The following STAT6 variants were observed in gnomAD, a reference collection of about 807,000 sequenced individuals.
STAT6 encodes STAT, interleukin4-induced.
Under a neutral mutation model 106.3 loss-of-function variants are expected in STAT6, and 45 were observed. The ratio of observed to expected loss-of-function variants is 0.42; its 90% CI spans 0.33 to 0.54. STAT6 has a LOEUF of 0.54. STAT6 is among the 20% of genes least tolerant of loss of function. The pLI, the probability that STAT6 is intolerant of heterozygous loss-of-function variation, is 0.06. For missense variants in STAT6, 797 were observed against 1,062.2 expected (o/e 0.75, Z 3.47); for synonymous variants, 413 against 413.6 (o/e 1.00, Z 0.02).
At position 57,108,237 on chromosome 12, in the gene STAT6, T is replaced by G; in HGVS notation, c.42A>C (p.Lys14Asn). The change falls in exon 2 of 22, where the codon AAA becomes AAC. Residue 14 changes from lysine to asparagine, a missense_variant. By Grantham distance (94) the Lys-to-Asn change is moderately conservative. Coordinates refer to ENST00000300134, the MANE Select transcript of STAT6 (RefSeq NM_003153.5). ...WGLVSKMPPE[K>N]VQRLYVDFPQ... is the part of the protein sequence containing the mutation. ...GAAAGTCGACATAGAGCCGCTGCAC[T>G]TTTTCTGGGGGCATCTTGGAGACCA... 6.2e-7 allele frequency: 1 copy of G among 1,612,862 alleles called. No homozygotes were observed. Among genetic ancestry groups the G allele is most frequent in the South Asian group, 1.1e-5 (1 of 90,776 alleles).
intron 1 of STAT6, among the ~76,000 whole-genome samples, chr12:57,109,155 T>TCGAG (rs1374378038): frequency 6.6e-6 from 1 of 151,976 alleles, no homozygotes; most frequent in Admixed American, 6.6e-5. Flanking sequence ...TGAGCAGAGA[T>TCGAG]CGAGCCACTG....
In STAT6 at chr12:57,102,596, C is replaced by T; in HGVS notation, c.1306-100G>A. 3 of 1,264,664 alleles carry T rather than the reference C, an allele frequency of 2.4e-6. No individual in the cohort carries two copies. The South Asian group carries it at 4.1e-5, about 17-fold the overall frequency. The allele number at this position is 1,264,664 out of a possible 1,614,324, so 78.3% of individuals were successfully genotyped here. The stretch of plus-strand genomic sequence containing the variant: ...CACCTGCCTGTGGCCTACCCCTCCA[C>T]AGCCCCTGATATCGCTCACAAACAT... On this transcript the variant is annotated intron_variant, in intron 12 of 21. Transcript: ENST00000300134.
intron 9 of STAT6, 123 bp downstream of exon 9, chr12:57,105,028 T>C: frequency 7.6e-7 from 1 of 1,316,856 alleles, no homozygotes; most frequent in Admixed American, 2.2e-5. Flanking sequence ...GCCTTGACCA[T>C]TCAGGGTCTC....
chr12:57,102,276 G>C lies in STAT6; in HGVS notation c.1512+14C>G. 6.2e-7 allele frequency: 1 copy of C among 1,613,824 alleles called. No individual in the cohort carries two copies. The highest frequency in any genetic ancestry group is 8.5e-7 in the Non-Finnish European group (1 of 1,179,958). On this transcript the variant is annotated intron_variant, in intron 13 of 21. Transcript: ENST00000300134. ...GAGCTTGGGGGTGGGAGGTCCAAAG[G>C]GCAGGAGAATGACCTTGTTGAACTG...
chr12:57,104,584 A>C lies in STAT6; in HGVS notation c.1092T>G (p.Leu364=), dbSNP rs1357903354. ...NCCSALFKNL[L]LKKIKRCERK... is the part of the protein sequence containing the mutation. Reference sequence around the variant, plus strand: ...GCTCACACCGCTTGATCTTCTTGAGAAGCTGTGGGTGGGGTGAGGGAGAGC... The same window carrying C: ...GCTCACACCGCTTGATCTTCTTGAGCAGCTGTGGGTGGGGTGAGGGAGAGC... The change falls in exon 11 of 22, where the codon CTT becomes CTG. Residue 364 remains leucine (L), a splice_region_variant and synonymous_variant. Transcript: ENST00000300134. 2 of 1,613,912 alleles carry C rather than the reference A, an allele frequency of 1.2e-6. No individual in the cohort carries two copies. The highest frequency in any genetic ancestry group is 1.3e-5 in the African/African-American group (1 of 74,922).
At chr12:57,101,616 G>T (rs1053505336) in intron 13 of STAT6, among the ~76,000 whole-genome samples, 2 of 147,784 alleles carry the variant, frequency 1.4e-5, no homozygotes, top group African/African-American at 5.0e-5. Context: ...TATCCGTCTC[G>T]GCCTCCCAAA....
chr12:57,106,711 C>T lies in STAT6; in HGVS notation c.460G>A (p.Gly154Arg). 3.1e-6 allele frequency: 5 copies of T among 1,614,190 alleles called. No individual in the cohort carries two copies. In the African/African-American group the frequency reaches 6.7e-5, roughly 22 times the overall value. The change falls in exon 5 of 22, where the codon GGG (glycine) becomes AGG (arginine). Residue 154 changes from glycine (G) to arginine (R), a missense_variant. Physicochemically the swap from Gly to Arg is moderately radical, Grantham distance 125 (BLOSUM62 -2). Transcript: ENST00000300134. ...IHLLREALQK[G>R]AEAGQVSLHS... ...CCCCCACCTTGGCCAGCCTCAGCCCCCTTCTGCAGGGCTTCTCGGAGAAGG... is the reference window on the plus strand; with the variant it reads ...CCCCCACCTTGGCCAGCCTCAGCCCTCTTCTGCAGGGCTTCTCGGAGAAGG...
intron 4 of STAT6, 116 bp from the exon 5 acceptor site, chr12:57,106,947 T>A: frequency 1.3e-6 from 2 of 1,494,734 alleles, no homozygotes; most frequent in Non-Finnish European, 1.8e-6. Flanking sequence ...CCTTTGGCAG[T>A]TCTTCCTGAC....
rs199638810 is a variant in STAT6, at chr12:57,096,715, C to T, written c.2401G>A (p.Asp801Asn). Residue 801 changes from aspartate (D) to asparagine (N), a missense_variant, in exon 22 of 22, where the codon GAC (aspartate) becomes AAC (asparagine). Physicochemically the swap from Asp to Asn is conservative, Grantham distance 23. Around this residue, in one of 4 missense-constraint regions of STAT6, gnomAD observed 226 missense variants for 236.7 expected, o/e 0.95. Coordinates refer to ENST00000300134, the MANE Select transcript of STAT6 (RefSeq NM_003153.5). ...FPPLLPPTEQ[D>N]LTKLLLEGQG... ...CCCTCCAGGAGAAGCTTAGTGAGGTCCTGTTCAGTGGGAGGCAGCAGAGGA... is the reference window on the plus strand; with the variant it reads ...CCCTCCAGGAGAAGCTTAGTGAGGTTCTGTTCAGTGGGAGGCAGCAGAGGA... 16 of 1,612,448 alleles carry T rather than the reference C, an allele frequency of 9.9e-6. No individual in the cohort carries two copies. In the Admixed American group the frequency reaches 2.4e-4, roughly 24 times the overall value.
chr12:57,098,872 C>G lies in STAT6; in HGVS notation c.1986G>C (p.Gln662His), dbSNP rs1156359361. The part of the protein sequence containing the change: ...RDQPLPTPEL[Q>H]MPTMVPSYDL... Reference sequence around the variant, plus strand: ...CATAAGAAGGCACCATGGTAGGCATCTGGAGCTCTGGGGTAGGAAGTGGTT... The same window carrying G: ...CATAAGAAGGCACCATGGTAGGCATGTGGAGCTCTGGGGTAGGAAGTGGTT... Residue 662 changes from glutamine to histidine, a missense_variant, in exon 18 of 22, where the codon CAG becomes CAC. By Grantham distance (24) the Gln-to-His change is conservative. This residue lies in a region of STAT6 where 226 missense variants were observed against 236.7 expected (regional missense o/e 0.95). Transcript: ENST00000300134. 3 of 1,613,496 alleles carry G rather than the reference C, an allele frequency of 1.9e-6. No individual in the cohort carries two copies. Among genetic ancestry groups the G allele is most frequent in the Non-Finnish European group, 2.5e-6 (3 of 1,179,840 alleles).
chr12:57,100,662 AAG>A (rs1294220785), intron 13 of STAT6, among the ~76,000 whole-genome samples: 2 of 56,000 alleles, frequency 3.6e-5, no homozygotes, highest in East Asian at 3.3e-4. Context: ...GAAAGAAAGA[AAG>A]AAAGAAAGAA....
chr12:57,108,409 A>G (rs1439854965), intron 1 of STAT6, 110 bp from the exon 2 acceptor site: 16 of 640,002 alleles, frequency 2.5e-5, no homozygotes, highest in Non-Finnish European at 3.4e-5. Flanking sequence ...CGTCCCCACC[A>G]CCACTCATGG....
intron 2 of STAT6, 68 bp downstream of exon 2, chr12:57,108,095 A>T: frequency 9.4e-7 from 1 of 1,060,112 alleles, no homozygotes; most frequent in Admixed American, 2.0e-5. Flanking sequence ...GAGGGGAGAA[A>T]AATCTAAGGA....
At position 57,099,557 on chromosome 12, in the gene STAT6, G is replaced by A; in HGVS notation, c.1745-117C>T. The A allele has an allele frequency of 6.9e-7, 1 of 1,450,584 alleles. No homozygotes were observed. The highest frequency in any genetic ancestry group is 9.4e-7 in the Non-Finnish European group (1 of 1,061,400). 89.9% of individuals were successfully genotyped at this position (1,450,584 alleles called of 1,614,324 possible). A position where few individuals can be genotyped will look rare whatever the true frequency, so the allele number is the denominator to read the frequency against. ...GGCAAGGGAGAGAGGACCTAGGGTG[G>A]GGCTCCTGAGGGAGAGAGACCCACT... On this transcript the variant is annotated intron_variant, in intron 15 of 21. Coordinates refer to ENST00000300134, the MANE Select transcript of STAT6 (RefSeq NM_003153.5). The surrounding 1 kb of genome is among the most constrained non-coding windows in gnomAD (Gnocchi z 4.7).
At chr12:57,101,330 G>A (rs909209683) in intron 13 of STAT6, among the ~76,000 whole-genome samples, 141 of 149,232 alleles carry the variant, frequency 9.4e-4, no homozygotes, top group African/African-American at 3.4e-3. Context: ...CTTGTGATCC[G>A]CCCGCCTCAG....
At chr12:57,105,692 A>G in intron 7 of STAT6, 93 bp from the exon 8 acceptor site, 1 of 1,490,562 alleles carries the variant, frequency 6.7e-7, no homozygotes, top group Non-Finnish European at 8.9e-7. Flanking sequence ...AAAGGCTATC[A>G]TGTGTGGAGA....
rs139828000 is a variant in STAT6 at position 57,099,071 on chromosome 12, C to A, written c.1899G>T (p.Gln633His). Residue 633 changes from glutamine to histidine, a missense_variant, in exon 17 of 22, where the codon CAG (glutamine) becomes CAT (histidine). Physicochemically the swap from Gln to His is conservative, Grantham distance 24 (BLOSUM62 0). This residue lies in a region of STAT6 where 222 missense variants were observed against 354.6 expected (regional missense o/e 0.63). Transcript: ENST00000300134. This position sits in a 1 kb window ranked among gnomAD's most constrained non-coding sequence, Gnocchi z 4.7. Reference protein sequence around the residue: ...EAFRSHYKPEQMGKDGRGYVP... With the variant: ...EAFRSHYKPEHMGKDGRGYVP... ...CATAACCCCTGCCATCCTTACCCAT[C>A]TGTTCAGCTGTTGTGAGAAGGAAAA... The A allele has an allele frequency of 2.2e-4, 359 of 1,614,156 alleles. No individual in the cohort carries two copies. The highest frequency in any genetic ancestry group is 1.7e-4 in the Non-Finnish European group (202 of 1,180,046).
At position 57,102,280 on chromosome 12, in the gene STAT6, G is replaced by T; in HGVS notation, c.1512+10C>A. 2 of 1,613,984 alleles carry T rather than the reference G, an allele frequency of 1.2e-6. No individual in the cohort carries two copies. Among genetic ancestry groups the T allele is most frequent in the South Asian group, 2.2e-5 (2 of 91,074 alleles). On this transcript the variant is annotated intron_variant, in intron 13 of 21. Transcript: ENST00000300134. ...TTGGGGGTGGGAGGTCCAAAGGGCAGGAGAATGACCTTGTTGAACTGCGAC... is the reference window on the plus strand; with the variant it reads ...TTGGGGGTGGGAGGTCCAAAGGGCATGAGAATGACCTTGTTGAACTGCGAC...
rs1350909727 is a variant in STAT6, at chr12:57,098,866, A to G, written c.1992T>C (p.Pro664=). 5 of 1,613,398 alleles carry G rather than the reference A, an allele frequency of 3.1e-6. No individual in the cohort carries two copies. The African/African-American group carries it at 5.3e-5, about 17-fold the overall frequency. ...QPLPTPELQM[P]TMVPSYDLGM... The stretch of plus-strand genomic sequence containing the variant: ...CAAGGTCATAAGAAGGCACCATGGT[A>G]GGCATCTGGAGCTCTGGGGTAGGAA... Residue 664 remains proline, a synonymous_variant, in exon 18 of 22, where the codon CCT becomes CCC. Coordinates refer to ENST00000300134, the MANE Select transcript of STAT6 (RefSeq NM_003153.5).
Sources: gnomAD v4.1 joint callset for allele counts (sites outside exome capture counted in the v4.1 genomes callset) on GRCh38, gnomAD v4.1.1 for gene constraint, gnomAD v4.1.1 regional missense constraint, Gnocchi (gnomAD v3.1) non-coding constraint, MANE v1.5 for transcripts, NCBI Gene and HGNC (gene_info 2026-07-23, HGNC 2026-07-21) for gene names.